RAVER1: variants seen among roughly 807,000 people sequenced by gnomAD.
RAVER1 encodes the protein ribonucleoprotein PTB-binding 1.
Under a neutral mutation model 68.4 loss-of-function variants are expected in RAVER1, and 36 were observed. That is an observed-to-expected ratio of 0.53 (90% CI 0.40 to 0.70). The LOEUF (loss-of-function observed/expected upper bound fraction) is 0.70. Ranked by LOEUF, RAVER1 falls within the 30% of genes least tolerant of loss-of-function variation. The probability of loss-of-function intolerance (pLI) is 0.00; values close to 1 mark genes in which losing one functional copy is unlikely to be tolerated. For synonymous variants in RAVER1, 469 were observed against 472.7 expected (o/e 0.99, Z 0.10); for missense variants, 933 against 1,019.8 (o/e 0.91, Z 1.16).
In RAVER1 at chr19:10,323,316, C is replaced by G; in HGVS notation, c.949-42G>C. The G allele has an allele frequency of 6.2e-7, 1 of 1,611,762 alleles. No individual in the cohort carries two copies. The highest frequency in any genetic ancestry group is 8.5e-7 in the Non-Finnish European group (1 of 1,179,072). ...AAGCAGCTCAGAGTGCCGCTGGGGC[C>G]CTGACATCCCCATGGGGCTCCCATC... On this transcript the variant is annotated intron_variant, in intron 4 of 12. Transcript: ENST00000617231. The surrounding 1 kb of genome is among the most constrained non-coding windows in gnomAD (Gnocchi z 6.2).
Position 10,322,599 on chromosome 19 carries a change from C to T in RAVER1, c.1173+46G>A. On this transcript the variant is annotated intron_variant, in intron 6 of 12. Coordinates refer to ENST00000617231, the MANE Select transcript of RAVER1 (RefSeq NM_133452.3). This position sits in a 1 kb window ranked among gnomAD's most constrained non-coding sequence, Gnocchi z 4.3. Reference sequence around the variant, plus strand: ...ATCGCACCAGCTGTGTTGAAAAGAGCCTGTAGGGGCTGTAGAGCAGTGGGT... The same window carrying T: ...ATCGCACCAGCTGTGTTGAAAAGAGTCTGTAGGGGCTGTAGAGCAGTGGGT... 2 of 1,324,226 alleles carry T rather than the reference C, an allele frequency of 1.5e-6. No individual in the cohort carries two copies. Among genetic ancestry groups the T allele is most frequent in the Non-Finnish European group, 2.1e-6 (2 of 975,530 alleles). The allele number at this position is 1,324,226 out of a possible 1,614,324, so 82.0% of individuals were successfully genotyped here. A position where few individuals can be genotyped will look rare whatever the true frequency, so the allele number is the denominator to read the frequency against.
At position 10,328,027 on chromosome 19, in the gene RAVER1, G is replaced by C. The variant is rs758896655; in HGVS notation, c.756+615C>G. On this transcript the variant is annotated intron_variant, in intron 3 of 12. Coordinates refer to ENST00000617231, the MANE Select transcript of RAVER1 (RefSeq NM_133452.3). This position sits in a 1 kb window ranked among gnomAD's most constrained non-coding sequence, Gnocchi z 4.4. ...AGATCAGAGAGCCAGTGACTGGCCC[G>C]AGCTCGAGGGCGGGGCTGGGATCTG... is the stretch of plus-strand genomic sequence containing the variant. 1.4e-4 allele frequency among the ~76,000 whole-genome samples: 22 copies of C among 152,190 alleles called. No individual in the cohort carries two copies. Among genetic ancestry groups the C allele is most frequent in the Non-Finnish European group, 2.8e-4 (19 of 68,032 alleles).
At chr19:10,325,316 C>A (rs1231897219) in intron 3 of RAVER1, among the ~76,000 whole-genome samples, 1 of 152,134 alleles carries the variant, frequency 6.6e-6, no homozygotes, top group African/African-American at 2.4e-5. Context: ...CCTCTGTCTC[C>A]CAGGTTCAGG....
Position 10,318,313 on chromosome 19 carries a change from G to T in RAVER1, c.1905C>A (p.Pro635=). The change falls in exon 11 of 13, where the codon CCC becomes CCA. Residue 635 remains proline, a synonymous_variant. Transcript: ENST00000617231. ...GCGAGCCTGAATAGAAGTGAGACAG[G>T]GGGCCCCCGCCACTCCCACCGCTGC... ...ERSSGGSGGG[P]LSHFYSGSPT... 4 of 1,593,148 alleles carry T rather than the reference G, an allele frequency of 2.5e-6. No homozygotes were observed. The highest frequency in any genetic ancestry group is 2.6e-6 in the Non-Finnish European group (3 of 1,171,672).
chr19:10,328,975 G>A lies in RAVER1; in HGVS notation c.423C>T (p.Pro141=), dbSNP rs780656689. ...DALLCVANLP[P]SLTQQQFEEL... ...CCTCGAACTGCTGCTGTGTGAGGCT[G>A]GGGGGCAGGTTGGCCACACACAGCA... The change falls in exon 3 of 13, where the codon CCC becomes CCT. Residue 141 remains proline (P), a synonymous_variant. Coordinates refer to ENST00000617231, the MANE Select transcript of RAVER1 (RefSeq NM_133452.3). This position sits in a 1 kb window ranked among gnomAD's most constrained non-coding sequence, Gnocchi z 4.4. 6.3e-7 allele frequency: 1 copy of A among 1,596,740 alleles called. No individual in the cohort carries two copies.
At chr19:10,330,387 G>A in intron 2 of RAVER1, 73 bp downstream of exon 2, 1 of 747,980 alleles carries the variant, frequency 1.3e-6, no homozygotes, top group Non-Finnish European at 2.4e-6. Context: ...CAGAGCAGCA[G>A]ACAGTGAGCC....
intron 3 of RAVER1, among the ~76,000 whole-genome samples, chr19:10,325,508 C>T (rs1244543490): frequency 6.6e-6 from 1 of 152,062 alleles, no homozygotes; most frequent in Non-Finnish European, 1.5e-5. Context: ...GGATTACAGG[C>T]GTGAGCCACC....
chr19:10,319,368 T>C lies in RAVER1; in HGVS notation c.1771-128A>G, dbSNP rs1442947505. The C allele has an allele frequency of 3.0e-5, 27 of 900,342 alleles. No individual in the cohort carries two copies. The South Asian group carries it at 3.4e-4, about 11-fold the overall frequency. 55.8% of individuals were successfully genotyped at this position (900,342 alleles called of 1,614,324 possible). A position where few individuals can be genotyped will look rare whatever the true frequency, so the allele number is the denominator to read the frequency against. On this transcript the variant is annotated intron_variant, in intron 9 of 12. Coordinates refer to ENST00000617231, the MANE Select transcript of RAVER1 (RefSeq NM_133452.3). ...ACTCTGGGACCAGGAAGAGGCAAAT[T>C]TGGGGCTGGATGCAGCTTGGCAGGG...
chr19:10,322,670 A>G lies in RAVER1; in HGVS notation c.1148T>C (p.Leu383Pro). 1 of 1,544,946 alleles carries G rather than the reference A, an allele frequency of 6.5e-7. No homozygotes were observed. The highest frequency in any genetic ancestry group is 2.5e-5 in the East Asian group (1 of 40,156). Residue 383 changes from leucine (L) to proline (P), a missense_variant, in exon 6 of 13, where the codon CTC becomes CCC. This residue lies in a region of RAVER1 where 699 missense variants were observed against 731.1 expected (regional missense o/e 0.96). Transcript: ENST00000617231. The surrounding 1 kb of genome is among the most constrained non-coding windows in gnomAD (Gnocchi z 4.3). Reference protein sequence around the residue: ...GPALSTALLQLALQTQGQKKP... With the variant: ...GPALSTALLQPALQTQGQKKP... ...CTTCTGGCCCTGGGTCTGCAGGGCG[A>G]GCTGCAACAGCGCCGTGGACAGGGC...
Position 10,317,482 on chromosome 19 carries a change from G to T in RAVER1, c.2192C>A (p.Ser731Tyr), listed in dbSNP as rs370608994. Residue 731 changes from serine to tyrosine, a missense_variant, in exon 13 of 13, where the codon TCC becomes TAC. This residue lies in a region of RAVER1 where 699 missense variants were observed against 731.1 expected (regional missense o/e 0.96). Transcript: ENST00000617231. This position sits in a 1 kb window ranked among gnomAD's most constrained non-coding sequence, Gnocchi z 4.3. ...GAAAATCCTCTTCCGCTTCAGGTAG[G>T]AGTCCGCGTAGTGGCCGCCGAGGCC... is the stretch of plus-strand genomic sequence containing the variant. ...SQGLGGHYADSYLKRKRIF is the reference protein window; with the variant it reads ...SQGLGGHYADYYLKRKRIF 2 of 1,613,806 alleles carry T rather than the reference G, an allele frequency of 1.2e-6. No homozygotes were observed. The highest frequency in any genetic ancestry group is 2.7e-5 in the African/African-American group (2 of 74,944).
Position 10,321,235 on chromosome 19 carries a change from G to T in RAVER1, c.1286C>A (p.Pro429Gln). The change falls in exon 8 of 13, where the codon CCG becomes CAG. Residue 429 changes from proline to glutamine, a missense_variant. Physicochemically the swap from Pro to Gln is moderately conservative, Grantham distance 76. This residue lies in a region of RAVER1 where 699 missense variants were observed against 731.1 expected (regional missense o/e 0.96). Coordinates refer to ENST00000617231, the MANE Select transcript of RAVER1 (RefSeq NM_133452.3). ...PAGGGLPPELPPRRGKPPPLL... is the reference protein window; with the variant it reads ...PAGGGLPPELQPRRGKPPPLL... The stretch of plus-strand genomic sequence containing the variant: ...GGGTGGTGGCTTCCCTCGCCGGGGC[G>T]GCAGCTCCGGGGGCAGGCCCCCTCC... 7.9e-7 allele frequency: 1 copy of T among 1,272,360 alleles called. No homozygotes were observed. Among genetic ancestry groups the T allele is most frequent in the Non-Finnish European group, 9.9e-7 (1 of 1,006,060 alleles). The allele number at this position is 1,272,360 out of a possible 1,614,324, so 78.8% of individuals were successfully genotyped here.
chr19:10,319,805 A>T (rs62130694), intron 9 of RAVER1, among the ~76,000 whole-genome samples: 1 of 95,620 alleles, frequency 1.0e-5, no homozygotes, highest in South Asian at 3.6e-4. Context: ...TGAAATATAT[A>T]TTTTATTATA....
intron 10 of RAVER1, 128 bp from the exon 11 acceptor site, chr19:10,318,500 A>G (rs962888274): frequency 1.9e-5 from 13 of 677,812 alleles, no homozygotes; most frequent in African/African-American, 1.9e-4. Flanking sequence ...CTGGGATTAC[A>G]GGCATGCGCC....
chr19:10,321,194 G>C lies in RAVER1; in HGVS notation c.1327C>G (p.Leu443Val). The part of the protein sequence containing the change: ...GKPPPLLPSV[L>V]GPAGGDREAL... Reference sequence around the variant, plus strand: ...TCCCGGTCACCCCCAGCAGGGCCAAGCACGGATGGCAGCAGGGGTGGTGGC... The same window carrying C: ...TCCCGGTCACCCCCAGCAGGGCCAACCACGGATGGCAGCAGGGGTGGTGGC... Residue 443 changes from leucine to valine, a missense_variant, in exon 8 of 13, where the codon CTT becomes GTT. This residue lies in a region of RAVER1 where 699 missense variants were observed against 731.1 expected (regional missense o/e 0.96). Coordinates refer to ENST00000617231, the MANE Select transcript of RAVER1 (RefSeq NM_133452.3). The C allele has an allele frequency of 2.3e-6, 3 of 1,283,218 alleles. No individual in the cohort carries two copies. The highest frequency in any genetic ancestry group is 3.0e-6 in the Non-Finnish European group (3 of 1,012,026). 79.5% of individuals were successfully genotyped at this position (1,283,218 alleles called of 1,614,324 possible). A position where few individuals can be genotyped will look rare whatever the true frequency, so the allele number is the denominator to read the frequency against.
At position 10,329,041 on chromosome 19, in the gene RAVER1, C is replaced by T. The variant is rs1161903714; in HGVS notation, c.357G>A (p.Arg119=). ...GCAGCTGCACCGACAGTTCACGCTCCCGCAGGCGGCTCTGGTGGAAAGCAT... is the reference window on the plus strand; with the variant it reads ...GCAGCTGCACCGACAGTTCACGCTCTCGCAGGCGGCTCTGGTGGAAAGCAT... ...AINAFHQSRL[R]ERELSVQLQP... The change falls in exon 3 of 13, where the codon CGG becomes CGA. Residue 119 remains arginine, a synonymous_variant. Transcript: ENST00000617231. This position sits in a 1 kb window ranked among gnomAD's most constrained non-coding sequence, Gnocchi z 4.6. The T allele has an allele frequency of 6.5e-7, 1 of 1,539,918 alleles. No individual in the cohort carries two copies. Among genetic ancestry groups the T allele is most frequent in the African/African-American group, 1.4e-5 (1 of 73,122 alleles).
intron 3 of RAVER1, among the ~76,000 whole-genome samples, chr19:10,326,413 G>A (rs943046925): frequency 6.6e-6 from 1 of 152,236 alleles, no homozygotes; most frequent in African/African-American, 2.4e-5. Context: ...AAACAGAGAG[G>A]GGGTTCCCGT....
chr19:10,321,414 C>T (rs1315624364), intron 7 of RAVER1, 117 bp downstream of exon 7: 3 of 944,044 alleles, frequency 3.2e-6, no homozygotes, highest in African/African-American at 1.7e-5. Context: ...GTGGAGGGCA[C>T]CCAACTGATG....
rs1458622475 is a variant in RAVER1, at chr19:10,329,034, C to T, written c.364G>A (p.Glu122Lys). The change falls in exon 3 of 13, where the codon GAA becomes AAA. Residue 122 changes from glutamate (E) to lysine (K), a missense_variant. By Grantham distance (56) the Glu-to-Lys change is moderately conservative (BLOSUM62 1). Around this residue, in one of 3 missense-constraint regions of RAVER1, gnomAD observed 211 missense variants for 230.0 expected, o/e 0.92. Transcript: ENST00000617231. The surrounding 1 kb of genome is among the most constrained non-coding windows in gnomAD (Gnocchi z 4.6). ...GTGGGCTGCAGCTGCACCGACAGTT[C>T]ACGCTCCCGCAGGCGGCTCTGGTGG... ...AFHQSRLRER[E>K]LSVQLQPTDA... is the part of the protein sequence containing the mutation. The T allele has an allele frequency of 1.3e-6, 2 of 1,548,428 alleles. No homozygotes were observed. The highest frequency in any genetic ancestry group is 2.7e-5 in the African/African-American group (2 of 73,362).
chr19:10,320,393 C>T (rs1242221383), intron 9 of RAVER1, among the ~76,000 whole-genome samples: 1 of 151,364 alleles, frequency 6.6e-6, no homozygotes, highest in Non-Finnish European at 1.5e-5. Context: ...GGTCCCAGCT[C>T]CTCAGGAGAC....
Sources: allele counts gnomAD v4.1 joint callset (sites outside exome capture counted in the v4.1 genomes callset), GRCh38; gene constraint gnomAD v4.1.1; regional missense constraint gnomAD v4.1.1; non-coding constraint Gnocchi (gnomAD v3.1); transcripts MANE v1.5; gene names NCBI Gene and HGNC (gene_info 2026-07-23, HGNC 2026-07-21).